ALDH18A1: variants seen among roughly 807,000 people sequenced by gnomAD.
ALDH18A1 encodes the protein aldehyde dehydrogenase 18 family member A1.
Under a neutral mutation model 88.8 loss-of-function variants are expected in ALDH18A1, and 44 were observed. That is an observed-to-expected ratio of 0.50 (90% CI 0.39 to 0.64). ALDH18A1 has a LOEUF of 0.64. Ranked by LOEUF, ALDH18A1 falls within the 30% of genes least tolerant of loss-of-function variation. ALDH18A1 has a pLI of 0.00. For missense variants in ALDH18A1, 782 were observed against 1,009.5 expected (o/e 0.77, Z 3.05); for synonymous variants, 331 against 372.1 (o/e 0.89, Z 1.27).
At chr10:95,649,113 C>G (rs1219996765) in intron 2 of ALDH18A1, among the ~76,000 whole-genome samples, 1 of 152,162 alleles carries the variant, frequency 6.6e-6, no homozygotes, top group East Asian at 1.9e-4. Flanking sequence ...CTAGCCAACT[C>G]AAAACATCAC....
intron 5 of ALDH18A1, among the ~76,000 whole-genome samples, chr10:95,635,195 T>C (rs1273535171): frequency 1.3e-5 from 2 of 152,166 alleles, no homozygotes; most frequent in African/African-American, 4.8e-5. Context: ...ATGAACTCCT[T>C]TTCAGAAAAG....
rs1031928854 is a variant in ALDH18A1 at position 95,621,259 on chromosome 10, G to A, written c.1247-8C>T. On this transcript the variant is annotated splice_region_variant and splice_polypyrimidine_tract_variant and intron_variant, in intron 11 of 17. Coordinates refer to ENST00000371224, the MANE Select transcript of ALDH18A1 (RefSeq NM_002860.4). Reference sequence around the variant, plus strand: ...GAGGAGCTGCAAGTCTCCCTGAAAAGCCATTAAGAGGATATGATAAAGTAG... The same window carrying A: ...GAGGAGCTGCAAGTCTCCCTGAAAAACCATTAAGAGGATATGATAAAGTAG... The A allele has an allele frequency of 6.2e-7, 1 of 1,608,102 alleles. No homozygotes were observed. The highest frequency in any genetic ancestry group is 1.7e-5 in the Admixed American group (1 of 59,172).
intron 17 of ALDH18A1, among the ~76,000 whole-genome samples, chr10:95,609,312 T>C (rs951522190): frequency 6.6e-6 from 1 of 152,272 alleles, no homozygotes; most frequent in Non-Finnish European, 1.5e-5. Flanking sequence ...AGGTCTGCTG[T>C]AGAAGGTAAC....
At chr10:95,623,807 C>T (rs899711509) in intron 11 of ALDH18A1, among the ~76,000 whole-genome samples, 3 of 151,982 alleles carry the variant, frequency 2.0e-5, no homozygotes, top group South Asian at 2.1e-4. Flanking sequence ...TCAGGTGATC[C>T]GCCCACCTAG....
At chr10:95,624,307 G>A (rs1447268590) in intron 11 of ALDH18A1, among the ~76,000 whole-genome samples, 2 of 152,142 alleles carry the variant, frequency 1.3e-5, no homozygotes, top group Non-Finnish European at 2.9e-5. Flanking sequence ...AACAAGCTGT[G>A]GAACCTTGGG....
intron 8 of ALDH18A1, 54 bp downstream of exon 8, chr10:95,628,314 A>G: frequency 1.2e-6 from 2 of 1,612,504 alleles, no homozygotes; most frequent in Non-Finnish European, 1.7e-6. Flanking sequence ...AAAAGGATAC[A>G]ATATAGTTTG....
intron 13 of ALDH18A1, among the ~76,000 whole-genome samples, chr10:95,616,024 T>A (rs566889372): frequency 6.6e-6 from 1 of 152,270 alleles, no homozygotes; most frequent in East Asian, 1.9e-4. Context: ...TTGAGGAGAA[T>A]GAGAAATGGT....
intron 12 of ALDH18A1, among the ~76,000 whole-genome samples, chr10:95,617,975 C>A (rs1260527665): frequency 6.6e-6 from 1 of 152,158 alleles, no homozygotes; most frequent in Non-Finnish European, 1.5e-5. Flanking sequence ...GTATGGGAGT[C>A]CCTTGGTGAA....
At chr10:95,627,745 T>A (rs1444795622) in intron 8 of ALDH18A1, among the ~76,000 whole-genome samples, 159 bp from the exon 9 acceptor site, 3 of 152,256 alleles carry the variant, frequency 2.0e-5, no homozygotes, top group African/African-American at 4.8e-5. Context: ...ACATAACAGT[T>A]CACACACTTT....
chr10:95,627,056 C>T (rs909262705), intron 9 of ALDH18A1, among the ~76,000 whole-genome samples: 2 of 152,026 alleles, frequency 1.3e-5, no homozygotes, highest in African/African-American at 2.4e-5. Flanking sequence ...TCCACTTTGG[C>T]GATATTTTTT....
At chr10:95,643,728 C>T (rs531212784) in intron 2 of ALDH18A1, among the ~76,000 whole-genome samples, 2 of 152,068 alleles carry the variant, frequency 1.3e-5, no homozygotes, top group Non-Finnish European at 1.5e-5. Context: ...GGATTATAAG[C>T]AATTTTAAAT....
At chr10:95,641,600 A>G (rs1379406706) in intron 3 of ALDH18A1, among the ~76,000 whole-genome samples, 1 of 151,448 alleles carries the variant, frequency 6.6e-6, no homozygotes, top group Non-Finnish European at 1.5e-5. Context: ...TGCAACCTTG[A>G]GCTCCTGGGC....
intron 12 of ALDH18A1, among the ~76,000 whole-genome samples, chr10:95,619,676 A>G (rs567818344): frequency 2.0e-4 from 30 of 152,366 alleles, no homozygotes; most frequent in African/African-American, 7.0e-4. Context: ...TGACAAAAAC[A>G]AGAAATGGGG....
chr10:95,631,598 C>G (rs1163671762), intron 7 of ALDH18A1, among the ~76,000 whole-genome samples: 2 of 151,882 alleles, frequency 1.3e-5, no homozygotes, highest in Non-Finnish European at 2.9e-5. Context: ...CAAAAATTAG[C>G]CAGGTGTGGT....
rs533507527 is a variant in ALDH18A1, at chr10:95,629,835, G to A, written c.809-1343C>T. Among the ~76,000 whole-genome samples the A allele has an allele frequency of 2.6e-5, 4 of 152,252 alleles. No homozygotes were observed. The East Asian group carries it at 7.7e-4, about 29-fold the overall frequency. On this transcript the variant is annotated intron_variant, in intron 7 of 17. Transcript: ENST00000371224. ...TAGGATAATCACAATAAGAATGCCA[G>A]TCTACCAATGACCCGATTTTGGTGC...
chr10:95,647,129 C>T (rs148177757), intron 2 of ALDH18A1, among the ~76,000 whole-genome samples: 1 of 152,200 alleles, frequency 6.6e-6, no homozygotes, highest in East Asian at 1.9e-4. Context: ...AATCCAAATC[C>T]CCAAATTCAA....
intron 11 of ALDH18A1, 67 bp from the exon 12 acceptor site, chr10:95,621,318 G>GTA (rs1348356141): frequency 4.6e-4 from 459 of 998,680 alleles, no homozygotes; most frequent in Non-Finnish European, 6.4e-4. Context: ...CAACCGATGT[G>GTA]TCTTTTTTTT....
At chr10:95,608,065 G>C (rs1016372863) in intron 17 of ALDH18A1, among the ~76,000 whole-genome samples, 2 of 152,216 alleles carry the variant, frequency 1.3e-5, no homozygotes, top group Admixed American at 6.5e-5. Context: ...TGAAGTGAGA[G>C]CATGCTTGCG....
chr10:95,636,641 C>A (rs1477487557), intron 5 of ALDH18A1, among the ~76,000 whole-genome samples: 1 of 152,098 alleles, frequency 6.6e-6, no homozygotes, highest in Non-Finnish European at 1.5e-5. Flanking sequence ...CACCAGCATT[C>A]CTCTTTCCCT....
Sources: allele counts gnomAD v4.1 joint callset (sites outside exome capture counted in the v4.1 genomes callset), GRCh38; gene constraint gnomAD v4.1.1; transcripts MANE v1.5; gene names NCBI Gene and HGNC (gene_info 2026-07-23, HGNC 2026-07-21).